Variants in RHD observed in about 807,000 individuals in gnomAD.
RHD encodes the protein Rh blood group D antigen.
A neutral mutation model predicts 45.5 loss-of-function variants in RHD; 16 were observed. The observed-to-expected ratio is 0.35, with a 90% confidence interval of 0.24 to 0.53. The LOEUF (loss-of-function observed/expected upper bound fraction) is 0.53, where lower values mean the gene tolerates loss of function less well. Among genes scored for constraint, RHD ranks in the 20% least tolerant of loss-of-function variants. The pLI is 0.92. For synonymous variants in RHD, 131 were observed against 217.5 expected, an observed-to-expected ratio of 0.60 and a Z score of 3.50; for missense variants, 306 against 532.0, an observed-to-expected ratio of 0.58 and a Z score of 4.18.
Position 25,301,049 on chromosome 1 carries a change from A to C in RHD, c.590A>C (p.Asp197Ala), listed in dbSNP as rs1465713698. 7.3e-7 allele frequency: 1 copy of C among 1,376,994 alleles called. No homozygotes were observed. Among genetic ancestry groups the C allele is most frequent in the African/African-American group, 1.4e-5 (1 of 69,392 alleles). 85.3% of individuals were successfully genotyped at this position (1,376,994 alleles called of 1,614,324 possible). ...AAGCCTCTACCCGAGGGAACGGAGGATAAAGATCAGACAGCAACGATACCC... is the reference window on the plus strand; with the variant it reads ...AAGCCTCTACCCGAGGGAACGGAGGCTAAAGATCAGACAGCAACGATACCC... Reference protein sequence around the residue: ...LPKPLPEGTEDKDQTATIPSL... With the variant: ...LPKPLPEGTEAKDQTATIPSL... Residue 197 changes from aspartate to alanine, a missense_variant, in exon 4 of 10, where the codon GAT (aspartate) becomes GCT (alanine). By Grantham distance (126) the Asp-to-Ala change is moderately radical. Coordinates refer to ENST00000328664, the MANE Select transcript of RHD (RefSeq NM_016124.6).
At chr1:25,299,553 G>C (rs1329893237) in intron 3 of RHD, among the ~76,000 whole-genome samples, 2 of 129,900 alleles carry the variant, frequency 1.5e-5, no homozygotes, top group Admixed American at 7.5e-5. Context: ...ATTTCAGGCA[G>C]CTGAATGACC....
At chr1:25,280,408 C>T (rs1330709993) in intron 1 of RHD, among the ~76,000 whole-genome samples, 1 of 125,874 alleles carries the variant, frequency 7.9e-6, no homozygotes, top group East Asian at 2.0e-4. Context: ...TGGGTTCAAG[C>T]GATTCTCCTG....
intron 6 of RHD, 118 bp from the exon 7 acceptor site, chr1:25,306,478 G>T: frequency 1.0e-6 from 1 of 980,780 alleles, no homozygotes; most frequent in South Asian, 1.3e-5. Flanking sequence ...GCTTCTTTGA[G>T]GTGAGCCTTA....
intron 7 of RHD, among the ~76,000 whole-genome samples, chr1:25,312,956 C>A (rs1254789809): frequency 0.049 from 981 of 20,180 alleles, 1 homozygote; most frequent in Non-Finnish European, 0.086. Context: ...AAAAAAAAAA[C>A]TTTAGTGCTA....
chr1:25,273,144 A>G (rs746956331), intron 1 of RHD, among the ~76,000 whole-genome samples: 2 of 127,646 alleles, frequency 1.6e-5, no homozygotes, highest in African/African-American at 2.7e-5. Context: ...CTCATTTCTT[A>G]TTTCTTTTTG....
chr1:25,280,792 GT>G lies in RHD; in HGVS notation c.149-3780del, dbSNP rs554911732. The stretch of plus-strand genomic sequence containing the variant: ...ACGCCCAAGTAATTTTGTATTTTTT[GT>G]AGAGACAAGGTCTTGCTATGTTGCC... On this transcript the variant is annotated intron_variant, in intron 1 of 9. Transcript: ENST00000328664. Among the ~76,000 whole-genome samples the G allele has an allele frequency of 3.5e-3, 452 of 130,696 alleles. 67 individuals carry two copies. The highest frequency in any genetic ancestry group is 0.011 in the African/African-American group (433 of 38,268). 85.7% of individuals were successfully genotyped at this position (130,696 alleles called of 152,430 possible). A position where few individuals can be genotyped will look rare whatever the true frequency, so the allele number is the denominator to read the frequency against.
rs146093871 is a variant in RHD, at chr1:25,306,719, G to A, written c.1063G>A (p.Gly355Ser). 971 of 1,377,480 alleles carry A rather than the reference G, an allele frequency of 7.0e-4. 285 individuals carry two copies. Among genetic ancestry groups the A allele is most frequent in the Non-Finnish European group, 8.7e-4 (851 of 978,426 alleles). The allele number at this position is 1,377,480 out of a possible 1,614,324, so 85.3% of individuals were successfully genotyped here. A position where few individuals can be genotyped will look rare whatever the true frequency, so the allele number is the denominator to read the frequency against. The change falls in exon 7 of 10, where the codon GGC becomes AGC. Residue 355 changes from glycine to serine, a missense_variant. Physicochemically the swap from Gly to Ser is moderately conservative, Grantham distance 56. Transcript: ENST00000328664. ...GCTGGTGCTTGATACCGTCGGAGCC[G>A]GCAATGGCATGTGGGTCACTGGGCT... The part of the protein sequence containing the change: ...VLLVLDTVGA[G>S]NGMIGFQVLL...
chr1:25,290,621 G>C lies in RHD; in HGVS notation c.336-20G>C. The C allele has an allele frequency of 7.3e-7, 1 of 1,366,298 alleles. No individual in the cohort carries two copies. Among genetic ancestry groups the C allele is most frequent in the Non-Finnish European group, 1.0e-6 (1 of 967,080 alleles). The allele number at this position is 1,366,298 out of a possible 1,614,324, so 84.6% of individuals were successfully genotyped here. On this transcript the variant is annotated intron_variant, in intron 2 of 9. Coordinates refer to ENST00000328664, the MANE Select transcript of RHD (RefSeq NM_016124.6). Reference sequence around the variant, plus strand: ...GCATCCTTCCTTCTCAGTCGTCCTGGCTCTCCCTCTCTCCCCCAGTATTCG... The same window carrying C: ...GCATCCTTCCTTCTCAGTCGTCCTGCCTCTCCCTCTCTCCCCCAGTATTCG...
intron 3 of RHD, among the ~76,000 whole-genome samples, chr1:25,291,877 A>G (rs1306589923): frequency 7.5e-6 from 1 of 132,634 alleles, no homozygotes; most frequent in African/African-American, 2.6e-5. Flanking sequence ...CCCATCTCAT[A>G]GGTGAGAAAG....
chr1:25,287,706 A>G (rs1642157612), intron 2 of RHD, among the ~76,000 whole-genome samples: 2 of 135,414 alleles, frequency 1.5e-5, no homozygotes, highest in Non-Finnish European at 3.5e-5. Context: ...GGAACTCTGA[A>G]GTGGGATGTT....
At chr1:25,277,929 C>A (rs1258809404) in intron 1 of RHD, among the ~76,000 whole-genome samples, 1 of 133,348 alleles carries the variant, frequency 7.5e-6, no homozygotes, top group Non-Finnish European at 1.8e-5. Flanking sequence ...CCGCCTTGGC[C>A]TCCCAAAGTG....
rs577102531 is a variant in RHD at position 25,313,308 on chromosome 1, A to C, written c.1074-3692A>C. Among the ~76,000 whole-genome samples, 4 of 132,666 alleles carry C rather than the reference A, an allele frequency of 3.0e-5. 1 individual carries two copies. In the South Asian group the frequency reaches 9.2e-4, roughly 31 times the overall value. 87.0% of individuals were successfully genotyped at this position (132,666 alleles called of 152,430 possible). On this transcript the variant is annotated intron_variant, in intron 7 of 9. Coordinates refer to ENST00000328664, the MANE Select transcript of RHD (RefSeq NM_016124.6). ...CATGTTCTTGGACTTCCCAGCCTCC[A>C]GAACCATGAGCTATATATACTTATT...
At chr1:25,296,928 A>G (rs1643006504) in intron 3 of RHD, among the ~76,000 whole-genome samples, 1 of 130,714 alleles carries the variant, frequency 7.7e-6, no homozygotes, top group Non-Finnish European at 1.8e-5. Flanking sequence ...ACAGACTAAC[A>G]CAATTTCCTA....
rs369168725 is a variant in RHD, at chr1:25,290,801, G to T, written c.486+10G>T. 3.6e-6 allele frequency: 5 copies of T among 1,375,882 alleles called. 1 individual carries two copies. The highest frequency in any genetic ancestry group is 3.1e-6 in the Non-Finnish European group (3 of 977,576). 85.2% of individuals were successfully genotyped at this position (1,375,882 alleles called of 1,614,324 possible). A position where few individuals can be genotyped will look rare whatever the true frequency, so the allele number is the denominator to read the frequency against. ...CAGTAATATCTTCAACGTGAGTCAT[G>T]GTGCTGGGAGGAGGGACCTGGGAGA... On this transcript the variant is annotated intron_variant, in intron 3 of 9. Coordinates refer to ENST00000328664, the MANE Select transcript of RHD (RefSeq NM_016124.6).
At chr1:25,310,257 G>C (rs1325238520) in intron 7 of RHD, among the ~76,000 whole-genome samples, 7 of 133,244 alleles carry the variant, frequency 5.3e-5, no homozygotes, top group African/African-American at 1.8e-4. Flanking sequence ...ATGGTTTTTG[G>C]AGGAAGGGCC....
At position 25,313,818 on chromosome 1, in the gene RHD, T is replaced by C. The variant is rs1557558100; in HGVS notation, c.1074-3182T>C. On this transcript the variant is annotated intron_variant, in intron 7 of 9. Transcript: ENST00000328664. ...AGGGGTTTATAATATGAGTTTCCTATGCCTGAGAAAGCTGACTTGCAAGAA... is the reference window on the plus strand; with the variant it reads ...AGGGGTTTATAATATGAGTTTCCTACGCCTGAGAAAGCTGACTTGCAAGAA... Among the ~76,000 whole-genome samples the C allele has an allele frequency of 2.3e-5, 3 of 132,898 alleles. 1 individual carries two copies. The highest frequency in any genetic ancestry group is 5.3e-5 in the Non-Finnish European group (3 of 56,100). 87.2% of individuals were successfully genotyped at this position (132,898 alleles called of 152,430 possible).
At chr1:25,301,406 C>T in intron 4 of RHD, 114 bp from the exon 5 acceptor site, 1 of 1,019,566 alleles carries the variant, frequency 9.8e-7, no homozygotes, top group South Asian at 1.3e-5. Context: ...CCATCTAACT[C>T]TAAGTGACAA....
rs1179115126 is a variant in RHD at position 25,306,334 on chromosome 1, G to A, written c.940-262G>A. Among the ~76,000 whole-genome samples the A allele has an allele frequency of 9.8e-5, 13 of 131,998 alleles. No homozygotes were observed. In the East Asian group the frequency reaches 2.0e-3, roughly 20 times the overall value. 86.6% of individuals were successfully genotyped at this position (131,998 alleles called of 152,430 possible). On this transcript the variant is annotated intron_variant, in intron 6 of 9. Coordinates refer to ENST00000328664, the MANE Select transcript of RHD (RefSeq NM_016124.6). ...ACCCTTGCTACTCATAGTGTGGTCC[G>A]TAGACCAGCAGCATTGGCATCACCT...
intron 2 of RHD, among the ~76,000 whole-genome samples, chr1:25,288,746 C>T: frequency 7.9e-6 from 1 of 126,612 alleles, no homozygotes; most frequent in Non-Finnish European, 1.8e-5. Context: ...CTCCTAACCA[C>T]TGCACATCAC....
Sources: gnomAD v4.1 joint callset for allele counts (sites outside exome capture counted in the v4.1 genomes callset) on GRCh38, gnomAD v4.1.1 for gene constraint, MANE v1.5 for transcripts, NCBI Gene and HGNC (gene_info 2026-07-23, HGNC 2026-07-21) for gene names.